The following LINGO2 variants were observed in gnomAD, a reference collection of about 807,000 sequenced individuals.
The protein encoded by LINGO2 is leucine rich repeat and Ig domain containing 2.
Under a neutral mutation model 30.6 loss-of-function variants are expected in LINGO2, and 14 were observed. The ratio of observed to expected loss-of-function variants is 0.46; its 90% CI spans 0.30 to 0.72. The LOEUF is 0.72. Ranked by LOEUF, LINGO2 falls within the 30% of genes least tolerant of loss-of-function variation. LINGO2 has a pLI of 0.07. For missense variants in LINGO2, 729 were observed against 751.7 expected, an observed-to-expected ratio of 0.97 and a Z score of 0.35; for synonymous variants, 317 against 288.5, an observed-to-expected ratio of 1.10 and a Z score of -1.00.
intron 1 of LINGO2, among the ~76,000 whole-genome samples, chr9:28,618,881 GA>G (rs34018909): frequency 1.3e-5 from 2 of 151,882 alleles, no homozygotes; most frequent in South Asian, 2.1e-4. Context: ...GAACTTAAAG[GA>G]AAAAAAATTT....
the LINGO2 span, among the ~76,000 whole-genome samples, chr9:28,771,896 T>C: frequency 5.9e-5 from 9 of 152,274 alleles, no homozygotes; most frequent in Middle Eastern, 3.4e-3. Flanking sequence ...TTTTTTAACA[T>C]ATCACAGCAT....
At chr9:28,438,913 A>G (rs866729397) in intron 2 of LINGO2, among the ~76,000 whole-genome samples, 184 of 70,778 alleles carry the variant, frequency 2.6e-3, no homozygotes, top group Admixed American at 0.016. Flanking sequence ...ATTATATATA[A>G]TGAAATATAT....
At chr9:28,117,815 C>T (rs977449342) in intron 4 of LINGO2, among the ~76,000 whole-genome samples, 1 of 151,676 alleles carries the variant, frequency 6.6e-6, no homozygotes, top group Non-Finnish European at 1.5e-5. Context: ...CTGTCTGGCA[C>T]TCCCTAGTGA....
chr9:28,946,519 G>A, the LINGO2 span, among the ~76,000 whole-genome samples: 1 of 152,008 alleles, frequency 6.6e-6, no homozygotes, highest in African/African-American at 2.4e-5. Context: ...CTTTCCCCTG[G>A]TGCTCTGGAA....
chr9:28,434,048 A>T (rs1224202271), intron 2 of LINGO2, among the ~76,000 whole-genome samples: 1 of 151,406 alleles, frequency 6.6e-6, no homozygotes, highest in Non-Finnish European at 1.5e-5. Flanking sequence ...TGTCTTTTGT[A>T]GCAACTTGGA....
At chr9:28,793,302 G>A in the LINGO2 span, among the ~76,000 whole-genome samples, 1 of 152,034 alleles carries the variant, frequency 6.6e-6, no homozygotes, top group Non-Finnish European at 1.5e-5. Flanking sequence ...AAGAAGATAT[G>A]GGATGATTAA....
intron 4 of LINGO2, among the ~76,000 whole-genome samples, chr9:28,159,031 A>G (rs1031213350): frequency 6.6e-6 from 1 of 152,212 alleles, no homozygotes; most frequent in African/African-American, 2.4e-5. Flanking sequence ...CCTGTATACA[A>G]AAAGGCTAGA....
At chr9:29,062,674 G>T in the LINGO2 span, among the ~76,000 whole-genome samples, 1 of 152,092 alleles carries the variant, frequency 6.6e-6, no homozygotes, top group Non-Finnish European at 1.5e-5. Context: ...ATTGCAGGGA[G>T]TAAAGAGAAT....
the LINGO2 span, among the ~76,000 whole-genome samples, chr9:28,790,382 G>A: frequency 7.2e-6 from 1 of 139,064 alleles, no homozygotes; most frequent in Non-Finnish European, 1.5e-5. Flanking sequence ...AGGCTGGAGT[G>A]CAGTCGTGCG....
the LINGO2 span, among the ~76,000 whole-genome samples, chr9:29,123,721 C>A: frequency 6.6e-6 from 1 of 151,892 alleles, no homozygotes; most frequent in Non-Finnish European, 1.5e-5. Context: ...GCATTCGTAG[C>A]AGTTAACTCA....
chr9:28,103,598 C>T (rs1030433885), intron 4 of LINGO2, among the ~76,000 whole-genome samples: 1 of 152,164 alleles, frequency 6.6e-6, no homozygotes, highest in African/African-American at 2.4e-5. Flanking sequence ...TGACCAGCAG[C>T]TTACCTCAGC....
chr9:28,057,578 C>CATATATGTATATACATATATATACAT, intron 4 of LINGO2, among the ~76,000 whole-genome samples: 1 of 21,460 alleles, frequency 4.7e-5, no homozygotes, highest in African/African-American at 1.0e-4. Context: ...TATATATACA[C>CATATATGTATATACATATATATACAT]ATATATGTAT....
the LINGO2 span, among the ~76,000 whole-genome samples, chr9:29,156,514 G>A: frequency 6.6e-6 from 1 of 152,026 alleles, no homozygotes; most frequent in Non-Finnish European, 1.5e-5. Context: ...GTAGATAAAT[G>A]TATTTTGGTA....
chr9:28,860,810 A>C, the LINGO2 span, among the ~76,000 whole-genome samples: 1 of 149,062 alleles, frequency 6.7e-6, no homozygotes, highest in African/African-American at 2.5e-5. Flanking sequence ...TATCACTGTC[A>C]CTTAGTTGTA....
At chr9:28,195,813 C>T (rs1457324717) in intron 4 of LINGO2, among the ~76,000 whole-genome samples, 3 of 151,358 alleles carry the variant, frequency 2.0e-5, no homozygotes, top group African/African-American at 4.8e-5. Flanking sequence ...GTTTAAATGT[C>T]TTCACAGCAT....
chr9:29,128,129 C>T, the LINGO2 span, among the ~76,000 whole-genome samples: 15 of 152,078 alleles, frequency 9.9e-5, no homozygotes, highest in African/African-American at 3.1e-4. Flanking sequence ...TCCTAGTAGG[C>T]CATTGCCTCT....
At chr9:28,878,832 C>T in the LINGO2 span, among the ~76,000 whole-genome samples, 6 of 152,060 alleles carry the variant, frequency 3.9e-5, no homozygotes, top group African/African-American at 1.2e-4. Context: ...ACTGATGGGA[C>T]GTATCTCAAA....
chr9:28,269,561 A>T (rs1822869753), intron 4 of LINGO2, among the ~76,000 whole-genome samples: 1 of 152,096 alleles, frequency 6.6e-6, no homozygotes, highest in Non-Finnish European at 1.5e-5. Flanking sequence ...TTATGGACAG[A>T]GTAGCATTTC....
rs3069830 is a variant in LINGO2 at position 28,397,372 on chromosome 9, T to C, written c.-278-24504A>G. On this transcript the variant is annotated intron_variant, in intron 2 of 5. Coordinates refer to ENST00000379992, the Ensembl canonical transcript of LINGO2. ...GTTTTGAAGTATATATATATATATA[T>C]ACATATATATATATACACACATTAT... 2.9e-3 allele frequency among the ~76,000 whole-genome samples: 379 copies of C among 128,686 alleles called. 2 individuals carry two copies. The highest frequency in any genetic ancestry group is 0.024 in the East Asian group (119 of 4,942). 84.4% of individuals were successfully genotyped at this position (128,686 alleles called of 152,430 possible).
Sources: gnomAD v4.1 joint callset for allele counts (sites outside exome capture counted in the v4.1 genomes callset) on GRCh38, gnomAD v4.1.1 for gene constraint, MANE v1.5 for transcripts, NCBI Gene and HGNC (gene_info 2026-07-23, HGNC 2026-07-21) for gene names.